The following RB1CC1 variants were observed in gnomAD, a reference collection of about 807,000 sequenced individuals.
The protein encoded by RB1CC1 is RB1-inducible coiled-coil protein 1.
RB1CC1 carries 46 observed loss-of-function variants against 177.5 expected under a neutral mutation model. The ratio of observed to expected loss-of-function variants is 0.26; its 90% CI spans 0.20 to 0.33. The LOEUF is 0.33. RB1CC1 is among the 10% of genes least tolerant of loss of function. RB1CC1 has a pLI of 1.00. For missense variants in RB1CC1, 1,703 were observed against 1,816.3 expected (o/e 0.94, Z 1.13); for synonymous variants, 666 against 613.6 (o/e 1.09, Z -1.26).
At chr8:52,682,748 A>T (rs1032790800) in intron 5 of RB1CC1, among the ~76,000 whole-genome samples, 1 of 152,200 alleles carries the variant, frequency 6.6e-6, no homozygotes, top group African/African-American at 2.4e-5. Context: ...TTCAGTTTAC[A>T]TAAGTATATT....
In RB1CC1 at chr8:52,657,010, A is replaced by G. The variant is rs1346529781; in HGVS notation, c.2819T>C (p.Ile940Thr). ...AATTTCACAATTTTGAGAGTGCATT[A>G]TATTTTCCATCTCTAACAACTTCTG... ...KDQKLLEMEN[I>T]MHSQNCEIKE... The change falls in exon 15 of 24, where the codon ATA (isoleucine) becomes ACA (threonine). Residue 940 changes from isoleucine (I) to threonine (T), a missense_variant. By Grantham distance (89) the Ile-to-Thr change is moderately conservative. Transcript: ENST00000025008. 5.6e-6 allele frequency: 9 copies of G among 1,613,792 alleles called. No homozygotes were observed. Among genetic ancestry groups the G allele is most frequent in the Non-Finnish European group, 7.6e-6 (9 of 1,179,956 alleles).
intron 1 of RB1CC1, among the ~76,000 whole-genome samples, chr8:52,698,319 G>A (rs1855639759): frequency 6.6e-6 from 1 of 151,758 alleles, no homozygotes; most frequent in Non-Finnish European, 1.5e-5. Flanking sequence ...TTTAAAATAT[G>A]AGAGAATAAC....
At chr8:52,699,837 A>ATATG (rs1217746879) in intron 1 of RB1CC1, among the ~76,000 whole-genome samples, 1 of 85,630 alleles carries the variant, frequency 1.2e-5, no homozygotes, top group South Asian at 4.6e-4. Context: ...AAAAATATAT[A>ATATG]TATATATATA....
chr8:52,679,280 G>C (rs915016120), intron 5 of RB1CC1, among the ~76,000 whole-genome samples: 10 of 152,284 alleles, frequency 6.6e-5, no homozygotes, highest in East Asian at 5.8e-4. Context: ...TAGGCTTCAA[G>C]ATCTTTAACC....
chr8:52,637,191 G>C (rs934069259), intron 18 of RB1CC1, among the ~76,000 whole-genome samples: 16 of 152,140 alleles, frequency 1.1e-4, no homozygotes, highest in Non-Finnish European at 1.9e-4. Flanking sequence ...AGGCGATTAA[G>C]TCTTCCAGTC....
At chr8:52,679,012 A>C (rs2150575321) in intron 5 of RB1CC1, among the ~76,000 whole-genome samples, 1 of 152,342 alleles carries the variant, frequency 6.6e-6, no homozygotes, top group Non-Finnish European at 1.5e-5. Flanking sequence ...CCAGGAAACA[A>C]CTACCACCCC....
chr8:52,659,611 A>T (rs1281015025), intron 12 of RB1CC1, among the ~76,000 whole-genome samples: 2 of 152,228 alleles, frequency 1.3e-5, no homozygotes, highest in African/African-American at 4.8e-5. Context: ...TCGGATAAAT[A>T]AGTATGGGAA....
In RB1CC1 at chr8:52,668,204, G is replaced by A; in HGVS notation, c.1003-13C>T. 1 of 1,610,992 alleles carries A rather than the reference G, an allele frequency of 6.2e-7. No individual in the cohort carries two copies. The highest frequency in any genetic ancestry group is 2.2e-5 in the East Asian group (1 of 44,834). On this transcript the variant is annotated splice_polypyrimidine_tract_variant and intron_variant, in intron 7 of 23. Transcript: ENST00000025008. Reference sequence around the variant, plus strand: ...TCCTTGGATCAAGCTAAATGACAAGGAAACACATACGAATACAATTTTCAG... The same window carrying A: ...TCCTTGGATCAAGCTAAATGACAAGAAAACACATACGAATACAATTTTCAG...
chr8:52,680,994 G>GTGTGTGT (rs150810028), intron 5 of RB1CC1, among the ~76,000 whole-genome samples: 5 of 128,626 alleles, frequency 3.9e-5, no homozygotes, highest in African/African-American at 6.3e-5. Context: ...GTGTGTGTGT[G>GTGTGTGT]TTTTTTTTTT....
At chr8:52,647,838 A>G (rs538106071) in intron 15 of RB1CC1, among the ~76,000 whole-genome samples, 19 of 152,174 alleles carry the variant, frequency 1.2e-4, no homozygotes, top group Non-Finnish European at 2.8e-4. Context: ...AGGCTTTGAA[A>G]AGACTATTGT....
chr8:52,641,229 C>G (rs1849543430), intron 18 of RB1CC1, among the ~76,000 whole-genome samples: 1 of 151,522 alleles, frequency 6.6e-6, no homozygotes, highest in African/African-American at 2.4e-5. Context: ...ACTAAAAATA[C>G]AAAAATTAGC....
intron 10 of RB1CC1, 38 bp downstream of exon 10, chr8:52,661,057 A>T: frequency 6.2e-7 from 1 of 1,611,264 alleles, no homozygotes; most frequent in South Asian, 1.1e-5. Flanking sequence ...AATTCGTTAA[A>T]GTTCATATAC....
At chr8:52,655,953 CAAACG>C (rs1851048811) in intron 15 of RB1CC1, 50 bp downstream of exon 15, 1 of 1,347,656 alleles carries the variant, frequency 7.4e-7, no homozygotes, top group South Asian at 1.4e-5. Flanking sequence ...TGATTACACA[CAAACG>C]AATCACTGAT....
At chr8:52,630,001 G>A (rs1848647329) in intron 21 of RB1CC1, among the ~76,000 whole-genome samples, 2 of 151,994 alleles carry the variant, frequency 1.3e-5, no homozygotes, top group South Asian at 4.1e-4. Flanking sequence ...ACTCATATTT[G>A]GCTCAGAATA....
intron 18 of RB1CC1, among the ~76,000 whole-genome samples, chr8:52,638,389 A>C (rs952435672): frequency 6.6e-6 from 1 of 152,146 alleles, no homozygotes; most frequent in East Asian, 1.9e-4. Flanking sequence ...TTTGCCGATA[A>C]TATTTGTGTC....
chr8:52,702,814 G>C (rs1856200984), intron 1 of RB1CC1, among the ~76,000 whole-genome samples: 1 of 152,014 alleles, frequency 6.6e-6, no homozygotes, highest in Non-Finnish European at 1.5e-5. Context: ...TGTAAATGGG[G>C]ATATTTATCA....
intron 1 of RB1CC1, among the ~76,000 whole-genome samples, chr8:52,694,450 C>T (rs1352364058): frequency 6.6e-6 from 1 of 152,200 alleles, no homozygotes; most frequent in Non-Finnish European, 1.5e-5. Context: ...TCCTGGATGG[C>T]TCATCCCGGA....
intron 18 of RB1CC1, 144 bp downstream of exon 18, chr8:52,642,206 AC>A (rs1333821393): frequency 9.2e-7 from 1 of 1,091,562 alleles, no homozygotes; most frequent in African/African-American, 1.6e-5. Context: ...TCTCACACTT[AC>A]AGTTTAAAGA....
chr8:52,707,404 GTTAT>G (rs1856660704), intron 1 of RB1CC1, among the ~76,000 whole-genome samples: 2 of 138,374 alleles, frequency 1.4e-5, no homozygotes, highest in Non-Finnish European at 3.1e-5. Flanking sequence ...CCAAACTTCA[GTTAT>G]TTTTCTTTTC....
Sources: allele counts gnomAD v4.1 joint callset (sites outside exome capture counted in the v4.1 genomes callset), GRCh38; gene constraint gnomAD v4.1.1; transcripts MANE v1.5; gene names NCBI Gene and HGNC (gene_info 2026-07-23, HGNC 2026-07-21).